The following NTN4 variants were observed in gnomAD, a reference collection of about 807,000 sequenced individuals.
NTN4 encodes the protein netrin-4.
A neutral mutation model predicts 73.6 loss-of-function variants in NTN4; 32 were observed. The observed-to-expected ratio is 0.44, with a 90% CI of 0.33 to 0.58. The LOEUF (loss-of-function observed/expected upper bound fraction) is 0.58, where lower values mean the gene tolerates loss of function less well. Ranked by LOEUF, NTN4 falls within the 20% of genes least tolerant of loss-of-function variation. The pLI is 0.04. For synonymous variants in NTN4, 258 were observed against 287.5 expected (o/e 0.90, Z 1.04); for missense variants, 654 against 798.3 (o/e 0.82, Z 2.18).
intron 2 of NTN4, among the ~76,000 whole-genome samples, chr12:95,782,202 T>C (rs561601074): frequency 4.6e-5 from 7 of 152,170 alleles, no homozygotes; most frequent in Non-Finnish European, 5.9e-5. Flanking sequence ...ATTTATTGAC[T>C]GCCTACTGTG....
chr12:95,744,833 C>CT (rs59086846), intron 2 of NTN4, among the ~76,000 whole-genome samples: 21,783 of 117,964 alleles, frequency 0.18, 2,009 homozygotes, highest in African/African-American at 0.24. Flanking sequence ...TGGTGAAAAA[C>CT]TTTTTTTTTT....
chr12:95,772,445 C>G (rs556997028), intron 2 of NTN4, among the ~76,000 whole-genome samples: 7 of 152,148 alleles, frequency 4.6e-5, no homozygotes, highest in Admixed American at 2.0e-4. Context: ...AATCCATACT[C>G]ACTCCCTTGG....
rs1555218212 is a variant in NTN4 at position 95,729,630 on chromosome 12, AGAGTGTGT to A, written c.864+8228_864+8235del. 5.1e-3 allele frequency among the ~76,000 whole-genome samples: 464 copies of A among 91,742 alleles called. 2 individuals are homozygous for A. Among genetic ancestry groups the A allele is most frequent in the South Asian group, 0.014 (39 of 2,864 alleles). The allele number at this position is 91,742 out of a possible 152,430, so 60.2% of individuals were successfully genotyped here. A position where few individuals can be genotyped will look rare whatever the true frequency, so the allele number is the denominator to read the frequency against. On this transcript the variant is annotated intron_variant, in intron 3 of 9. Coordinates refer to ENST00000343702, the MANE Select transcript of NTN4 (RefSeq NM_021229.4). ...TTATTATAAAGAGAGAGAGAGAGAG[AGAGTGTGT>A]GTGTGTGTGTGTGTGTGTGTGTGTG...
At chr12:95,686,724 C>T (rs960748689) in intron 5 of NTN4, among the ~76,000 whole-genome samples, 2 of 147,550 alleles carry the variant, frequency 1.4e-5, no homozygotes, top group African/African-American at 2.5e-5. Flanking sequence ...TACCACTGAC[C>T]TCCAGCCTGG....
intron 2 of NTN4, among the ~76,000 whole-genome samples, chr12:95,772,507 C>G (rs998557368): frequency 3.3e-5 from 5 of 152,128 alleles, no homozygotes; most frequent in African/African-American, 9.7e-5. Flanking sequence ...TTTGGTCCAG[C>G]CAGCTTTTCT....
At chr12:95,747,132 G>A (rs544029712) in intron 2 of NTN4, among the ~76,000 whole-genome samples, 7 of 152,206 alleles carry the variant, frequency 4.6e-5, no homozygotes, top group African/African-American at 1.7e-4. Flanking sequence ...GTTATATTTA[G>A]TAGATAGAAA....
At chr12:95,757,283 C>T (rs1220965175) in intron 2 of NTN4, among the ~76,000 whole-genome samples, 1 of 151,956 alleles carries the variant, frequency 6.6e-6, no homozygotes, top group East Asian at 1.9e-4. Context: ...TATCCATTCC[C>T]CTCTTTCAGA....
intron 5 of NTN4, among the ~76,000 whole-genome samples, chr12:95,684,445 G>A (rs1024122880): frequency 4.0e-5 from 6 of 151,658 alleles, no homozygotes; most frequent in African/African-American, 1.5e-4. Context: ...ACTACAAGCC[G>A]GCACCATCAT....
At chr12:95,663,017 G>A (rs1240163561) in intron 9 of NTN4, among the ~76,000 whole-genome samples, 2 of 152,072 alleles carry the variant, frequency 1.3e-5, no homozygotes, top group Non-Finnish European at 2.9e-5. Flanking sequence ...CTACTCAAGA[G>A]GCTGAGGCGG....
intron 4 of NTN4, among the ~76,000 whole-genome samples, chr12:95,710,867 G>A (rs141318675): frequency 0.019 from 2,866 of 152,138 alleles, 68 homozygotes; most frequent in African/African-American, 0.058. Context: ...AGCCAGGTGC[G>A]GTGGCACACG....
chr12:95,737,310 C>A (rs1044617131), intron 3 of NTN4, among the ~76,000 whole-genome samples: 3 of 152,158 alleles, frequency 2.0e-5, no homozygotes, highest in African/African-American at 7.2e-5. Flanking sequence ...AGTTCGTGGT[C>A]TCCTGGGGGA....
chr12:95,677,051 A>G (rs77397294), intron 7 of NTN4, among the ~76,000 whole-genome samples: 4,741 of 152,212 alleles, frequency 0.031, 215 homozygotes, highest in East Asian at 0.24. Context: ...CTTGGCTGAC[A>G]CTGTGAAACC....
At chr12:95,742,155 T>C (rs2078831193) in intron 2 of NTN4, among the ~76,000 whole-genome samples, 1 of 152,120 alleles carries the variant, frequency 6.6e-6, no homozygotes, top group Non-Finnish European at 1.5e-5. Context: ...AAATGACCTA[T>C]ATGATCTTTC....
At chr12:95,723,411 A>C (rs961778751) in intron 3 of NTN4, among the ~76,000 whole-genome samples, 1 of 152,196 alleles carries the variant, frequency 6.6e-6, no homozygotes, top group Non-Finnish European at 1.5e-5. Context: ...TTAATAATGC[A>C]AATAATTTCT....
At position 95,674,500 on chromosome 12, in the gene NTN4, G is replaced by T. The variant is rs369453383; in HGVS notation, c.1511-4354C>A. 3.9e-5 allele frequency among the ~76,000 whole-genome samples: 6 copies of T among 151,972 alleles called. No homozygotes were observed. The East Asian group carries it at 9.7e-4, about 24-fold the overall frequency. On this transcript the variant is annotated intron_variant, in intron 7 of 9. Transcript: ENST00000343702. ...AGAAAAGCTTGTTTAGTTATGCTAG[G>T]TTATTAGGACATTAAAAAAAAAAAG...
At chr12:95,776,814 C>A (rs953729829) in intron 2 of NTN4, among the ~76,000 whole-genome samples, 3 of 152,014 alleles carry the variant, frequency 2.0e-5, no homozygotes, top group Non-Finnish European at 2.9e-5. Flanking sequence ...CAGAGAACAC[C>A]AAAAAGATAC....
In NTN4 at chr12:95,781,168, A is replaced by G. The variant is rs7303360; in HGVS notation, c.585+5771T>C. ...GGGCCTGTTGTGGGGTTGGGGGAGC[A>G]GGGAGGGATAGCATTAAGAGATATA... On this transcript the variant is annotated intron_variant, in intron 2 of 9. Coordinates refer to ENST00000343702, the MANE Select transcript of NTN4 (RefSeq NM_021229.4). This position sits in a 1 kb window ranked among gnomAD's most constrained non-coding sequence, Gnocchi z 4.1. 0.61 allele frequency among the ~76,000 whole-genome samples: 93,210 copies of G among 151,938 alleles called. 29,265 individuals carry two copies. The highest frequency in any genetic ancestry group is 0.78 in the South Asian group (3,762 of 4,812).
intron 7 of NTN4, among the ~76,000 whole-genome samples, chr12:95,678,827 T>C (rs543430525): frequency 2.1e-4 from 32 of 152,182 alleles, no homozygotes; most frequent in African/African-American, 7.5e-4. Context: ...TCAATAATCA[T>C]TTAAAAATAC....
chr12:95,665,981 CT>C lies in NTN4; in HGVS notation c.1580-2del. 6.3e-7 allele frequency: 1 copy of C among 1,597,852 alleles called. No individual in the cohort carries two copies. Among genetic ancestry groups the C allele is most frequent in the East Asian group, 2.2e-5 (1 of 44,558 alleles). On this transcript the variant is annotated splice_acceptor_variant, in intron 8 of 9. Transcript: ENST00000343702. LOFTEE classifies it high-confidence loss of function. ...GCTGATAAAATCTTTATTTTTAGCA[CT>C]GTTAACACAGAAGTCAAAATGCATA...
Sources: gnomAD v4.1 joint callset for allele counts (sites outside exome capture counted in the v4.1 genomes callset) on GRCh38, gnomAD v4.1.1 for gene constraint, Gnocchi (gnomAD v3.1) non-coding constraint, MANE v1.5 for transcripts, NCBI Gene and HGNC (gene_info 2026-07-23, HGNC 2026-07-21) for gene names.